The following ADD3 variants were observed in gnomAD, a reference collection of about 807,000 sequenced individuals.
The protein encoded by ADD3 is adducin 3, also known as gamma-adducin.
A neutral mutation model predicts 80.2 loss-of-function variants in ADD3; 25 were observed. The ratio of observed to expected loss-of-function variants is 0.31; its 90% CI spans 0.23 to 0.44. The LOEUF is 0.44. Among genes scored for constraint, ADD3 ranks in the 20% least tolerant of loss-of-function variants. The pLI, the probability that ADD3 is intolerant of heterozygous loss-of-function variation, is 1.00. For missense variants in ADD3, 829 were observed against 847.5 expected (o/e 0.98, Z 0.27); for synonymous variants, 284 against 289.6 (o/e 0.98, Z 0.20).
intron 1 of ADD3, among the ~76,000 whole-genome samples, chr10:110,085,367 G>A (rs1846595520): frequency 6.6e-6 from 1 of 152,062 alleles, no homozygotes; most frequent in Non-Finnish European, 1.5e-5. Flanking sequence ...ATTTAATTTG[G>A]TGAATACCCA....
In ADD3 at chr10:110,118,733, A is replaced by G; in HGVS notation, c.714A>G (p.Ala238=). The G allele has an allele frequency of 6.2e-7, 1 of 1,613,794 alleles. No homozygotes were observed. Among genetic ancestry groups the G allele is most frequent in the Non-Finnish European group, 8.5e-7 (1 of 1,179,770 alleles). The change falls in exon 6 of 15, where the codon GCA becomes GCG. Residue 238 remains alanine (A), a synonymous_variant. Transcript: ENST00000356080. Reference sequence around the variant, plus strand: ...TACACATCCATACCCTTGCAACAGCAGCTGTAAGTCAATGAAAGTCCAAAA... The same window carrying G: ...TACACATCCATACCCTTGCAACAGCGGCTGTAAGTCAATGAAAGTCCAAAA... ...CVIHIHTLAT[A]AVSSMKCGIL...
intron 1 of ADD3, among the ~76,000 whole-genome samples, chr10:110,064,781 T>C (rs1843701040): frequency 6.6e-6 from 1 of 152,170 alleles, no homozygotes; most frequent in African/African-American, 2.4e-5. Flanking sequence ...TTAACCAGGG[T>C]ATTAGTTCAC....
intron 1 of ADD3, among the ~76,000 whole-genome samples, chr10:110,066,682 C>T (rs1844000329): frequency 6.6e-6 from 1 of 152,018 alleles, no homozygotes; most frequent in Non-Finnish European, 1.5e-5. Context: ...AAGTCTGTTA[C>T]AGGCTTCGAT....
chr10:110,023,086 A>G (rs912356920), intron 1 of ADD3, among the ~76,000 whole-genome samples: 4 of 152,120 alleles, frequency 2.6e-5, no homozygotes, highest in Non-Finnish European at 5.9e-5. Context: ...CGATGGAGAG[A>G]GAGTGTGTTG....
intron 14 of ADD3, 104 bp from the exon 15 acceptor site, chr10:110,133,222 C>G: frequency 8.8e-7 from 1 of 1,136,730 alleles, no homozygotes; most frequent in Non-Finnish European, 1.2e-6. Flanking sequence ...TCATTGGAAT[C>G]AAAGTAATGC....
intron 9 of ADD3, among the ~76,000 whole-genome samples, chr10:110,123,475 T>C (rs992405026): frequency 2.0e-5 from 3 of 152,250 alleles, no homozygotes; most frequent in Non-Finnish European, 4.4e-5. Context: ...ATACACTTGT[T>C]GACCATTTGT....
chr10:110,003,288 T>C (rs1443237181), upstream of ADD3, among the ~76,000 whole-genome samples: 1 of 138,484 alleles, frequency 7.2e-6, no homozygotes. Flanking sequence ...AGTTGTTAAA[T>C]TGGGAACAGT....
rs568493604 is a variant in ADD3, at chr10:110,034,466, T to C, written c.-30+26167T>C. Among the ~76,000 whole-genome samples, 5 of 151,734 alleles carry C rather than the reference T, an allele frequency of 3.3e-5. No individual in the cohort carries two copies. The South Asian group carries it at 8.3e-4, about 25-fold the overall frequency. Reference sequence around the variant, plus strand: ...AAATTATATTTTTTCATTAATAAAATAAAATATAATTATTTTAAATTCAAC... The same window carrying C: ...AAATTATATTTTTTCATTAATAAAACAAAATATAATTATTTTAAATTCAAC... On this transcript the variant is annotated intron_variant, in intron 1 of 14. Transcript: ENST00000356080.
At chr10:110,096,826 A>C (rs1195418476) in intron 1 of ADD3, among the ~76,000 whole-genome samples, 1 of 152,326 alleles carries the variant, frequency 6.6e-6, no homozygotes, top group East Asian at 1.9e-4. Flanking sequence ...GCATGGAAGA[A>C]TTCTTGAGGC....
At chr10:110,082,170 CTA>C (rs1305694792) in intron 1 of ADD3, among the ~76,000 whole-genome samples, 1 of 151,974 alleles carries the variant, frequency 6.6e-6, no homozygotes, top group Non-Finnish European at 1.5e-5. Flanking sequence ...GAACAATAGG[CTA>C]TTAACGTTTT....
intron 12 of ADD3, among the ~76,000 whole-genome samples, chr10:110,127,942 A>G (rs1852386604): frequency 1.3e-5 from 2 of 152,174 alleles, no homozygotes; most frequent in Admixed American, 1.3e-4. Flanking sequence ...TAATGGATAT[A>G]GAATAGTTTA....
At chr10:110,069,099 C>T (rs1410379883) in intron 1 of ADD3, among the ~76,000 whole-genome samples, 1 of 151,908 alleles carries the variant, frequency 6.6e-6, no homozygotes, top group Non-Finnish European at 1.5e-5. Context: ...TTGCCTGTAT[C>T]TCAGTATAAC....
At chr10:110,007,692 T>C (rs1306092656), upstream of ADD3, among the ~76,000 whole-genome samples, 1 of 152,006 alleles carries the variant, frequency 6.6e-6, no homozygotes, top group African/African-American at 2.4e-5. Context: ...CCCCCACCGC[T>C]GCGGCTTCAC....
At chr10:110,024,656 A>G (rs185777529) in intron 1 of ADD3, among the ~76,000 whole-genome samples, 1 of 152,368 alleles carries the variant, frequency 6.6e-6, no homozygotes, top group Non-Finnish European at 1.5e-5. Flanking sequence ...TAAAATTTTT[A>G]AGTGTTAGAT....
At chr10:110,017,349 A>G (rs1400818207) in intron 1 of ADD3, among the ~76,000 whole-genome samples, 3 of 152,242 alleles carry the variant, frequency 2.0e-5, no homozygotes, top group Admixed American at 2.0e-4. Context: ...AGAATTCACT[A>G]GAATCAGGAC....
chr10:110,041,428 G>A (rs1044155453), intron 1 of ADD3, among the ~76,000 whole-genome samples: 4 of 151,932 alleles, frequency 2.6e-5, no homozygotes, highest in African/African-American at 7.3e-5. Flanking sequence ...TTTCAATCCC[G>A]GCCCTGCTTG....
chr10:110,068,980 G>A (rs1844337957), intron 1 of ADD3, among the ~76,000 whole-genome samples: 1 of 152,034 alleles, frequency 6.6e-6, no homozygotes, highest in Non-Finnish European at 1.5e-5. Context: ...GGGAGGCTGA[G>A]CTGGGAGGAT....
At chr10:110,116,500 T>C (rs1850746081) in intron 4 of ADD3, 90 bp downstream of exon 4, 12 of 1,321,412 alleles carry the variant, frequency 9.1e-6, no homozygotes, top group Non-Finnish European at 1.2e-5. Context: ...AGTCCAGTTT[T>C]CAGACTTATT....
At chr10:110,056,861 C>T (rs145443731) in intron 1 of ADD3, among the ~76,000 whole-genome samples, 99 of 152,232 alleles carry the variant, frequency 6.5e-4, no homozygotes, top group Middle Eastern at 3.4e-3. Flanking sequence ...AAAGGAAAAA[C>T]CCTTTCTTTT....
Sources: allele counts gnomAD v4.1 joint callset (sites outside exome capture counted in the v4.1 genomes callset), GRCh38; gene constraint gnomAD v4.1.1; transcripts MANE v1.5; gene names NCBI Gene and HGNC (gene_info 2026-07-23, HGNC 2026-07-21).